The following PDE4D variants were observed in gnomAD, a reference collection of about 807,000 sequenced individuals.
PDE4D encodes phosphodiesterase 4D.
In PDE4D, 24 loss-of-function variants were observed where a neutral mutation model predicts 87.4. That is an observed-to-expected ratio of 0.27 (90% CI 0.20 to 0.39). The LOEUF (loss-of-function observed/expected upper bound fraction) is 0.39. Ranked by LOEUF, PDE4D falls within the 10% of genes least tolerant of loss-of-function variation. The pLI, the probability that PDE4D is intolerant of heterozygous loss-of-function variation, is 1.00. For synonymous variants in PDE4D, 384 were observed against 383.2 expected (o/e 1.00, Z -0.02); for missense variants, 714 against 1,041.0 (o/e 0.69, Z 4.32).
chr5:59,212,151 T>G (rs113342567), intron 2 of PDE4D, among the ~76,000 whole-genome samples: 2,555 of 152,258 alleles, frequency 0.017, 78 homozygotes, highest in African/African-American at 0.056. Context: ...ACAGTCTTCA[T>G]AGCATTATTG....
intron 1 of PDE4D, among the ~76,000 whole-genome samples, chr5:60,274,313 TTTG>T (rs575077031): frequency 3.7e-4 from 54 of 147,480 alleles, no homozygotes; most frequent in Admixed American, 2.6e-3. Flanking sequence ...TAGGTTTTAT[TTTG>T]TTGTTATTTG....
At chr5:59,209,451 G>T (rs941648858) in intron 2 of PDE4D, among the ~76,000 whole-genome samples, 5 of 152,100 alleles carry the variant, frequency 3.3e-5, no homozygotes, top group African/African-American at 1.2e-4. Flanking sequence ...CTCCCAAATT[G>T]CCAGGATTAC....
intron 1 of PDE4D, among the ~76,000 whole-genome samples, chr5:59,421,800 T>A (rs1794520128): frequency 6.6e-6 from 1 of 152,146 alleles, no homozygotes; most frequent in Non-Finnish European, 1.5e-5. Flanking sequence ...GGAATGAATT[T>A]AATGTTTCTC....
chr5:60,272,480 C>T (rs1158631055), intron 1 of PDE4D, among the ~76,000 whole-genome samples: 1 of 152,200 alleles, frequency 6.6e-6, no homozygotes, highest in Admixed American at 6.5e-5. Flanking sequence ...AAGAAGAGAT[C>T]ACACAGGTCT....
intron 1 of PDE4D, among the ~76,000 whole-genome samples, chr5:59,731,714 A>G (rs1757382788): frequency 6.6e-6 from 1 of 152,164 alleles, no homozygotes; most frequent in Admixed American, 6.6e-5. Context: ...ACATTGACAC[A>G]CATTAATTTA....
At chr5:60,202,237 G>A (rs35415111) in intron 1 of PDE4D, among the ~76,000 whole-genome samples, 14,425 of 152,198 alleles carry the variant, frequency 0.095, 727 homozygotes, top group Non-Finnish European at 0.11. Flanking sequence ...GTGCAGTGGT[G>A]CAATCAAACC....
intron 1 of PDE4D, among the ~76,000 whole-genome samples, chr5:60,277,030 T>C (rs1751441576): frequency 6.6e-6 from 1 of 152,030 alleles, no homozygotes; most frequent in African/African-American, 2.4e-5. Flanking sequence ...TGCTTTAAGT[T>C]TCTTCTGTTT....
chr5:60,135,959 A>T (rs981127220), intron 2 of PDE4D, among the ~76,000 whole-genome samples: 1 of 152,188 alleles, frequency 6.6e-6, no homozygotes, highest in Non-Finnish European at 1.5e-5. Context: ...TAATGTTCTA[A>T]GAGCTACTGC....
At chr5:59,102,717 T>C (rs1770969198) in intron 5 of PDE4D, among the ~76,000 whole-genome samples, 1 of 152,104 alleles carries the variant, frequency 6.6e-6, no homozygotes, top group Non-Finnish European at 1.5e-5. Flanking sequence ...ACTTGGGAAC[T>C]TATAAGAAGG....
At chr5:59,597,550 G>GA (rs972728741) in intron 1 of PDE4D, among the ~76,000 whole-genome samples, 16 of 150,678 alleles carry the variant, frequency 1.1e-4, no homozygotes, top group South Asian at 4.2e-4. Flanking sequence ...AGAGATTTTG[G>GA]AAAAAAAAGA....
intron 3 of PDE4D, among the ~76,000 whole-genome samples, chr5:59,186,556 C>T (rs1372303273): frequency 3.3e-5 from 5 of 152,186 alleles, no homozygotes; most frequent in Non-Finnish European, 7.3e-5. Flanking sequence ...TCATCTGGCA[C>T]AGACCTAGAC....
intron 1 of PDE4D, among the ~76,000 whole-genome samples, chr5:59,655,717 A>G (rs867574385): frequency 3.3e-5 from 5 of 152,182 alleles, no homozygotes; most frequent in Non-Finnish European, 1.5e-5. Flanking sequence ...TTCTGGCCCA[A>G]CCAGAAACAG....
intron 2 of PDE4D, among the ~76,000 whole-genome samples, chr5:60,005,763 A>G (rs2152841468): frequency 6.6e-6 from 1 of 152,172 alleles, no homozygotes; most frequent in South Asian, 2.1e-4. Context: ...CAGGTTGAAC[A>G]ACACAATAGA....
intron 1 of PDE4D, among the ~76,000 whole-genome samples, chr5:60,437,134 G>A (rs760265279): frequency 2.0e-5 from 3 of 151,914 alleles, no homozygotes; most frequent in Non-Finnish European, 4.4e-5. Flanking sequence ...TACTCTATCT[G>A]GTTGTTGTGA....
chr5:60,156,251 T>C (rs1781968738), intron 2 of PDE4D, among the ~76,000 whole-genome samples: 1 of 152,200 alleles, frequency 6.6e-6, no homozygotes, highest in African/African-American at 2.4e-5. Flanking sequence ...TTGAATATCC[T>C]TTATTAGTCT....
At chr5:59,860,121 A>C (rs188066819) in intron 1 of PDE4D, among the ~76,000 whole-genome samples, 1 of 152,330 alleles carries the variant, frequency 6.6e-6, no homozygotes, top group Non-Finnish European at 1.5e-5. Flanking sequence ...TGATTTTCCC[A>C]GTGATTTGGG....
intron 1 of PDE4D, among the ~76,000 whole-genome samples, chr5:59,699,937 G>T (rs1455992210): frequency 6.6e-6 from 1 of 152,102 alleles, no homozygotes; most frequent in Admixed American, 6.6e-5. Context: ...AGCTTCATTT[G>T]CACAGGAATG....
At chr5:59,504,648 G>A (rs1808904248) in intron 1 of PDE4D, among the ~76,000 whole-genome samples, 1 of 151,902 alleles carries the variant, frequency 6.6e-6, no homozygotes, top group African/African-American at 2.4e-5. Flanking sequence ...CCTACATTTG[G>A]GAAAACTGTT....
intron 1 of PDE4D, among the ~76,000 whole-genome samples, chr5:60,388,965 C>A (rs982034707): frequency 2.0e-5 from 3 of 152,020 alleles, no homozygotes; most frequent in Non-Finnish European, 4.4e-5. Context: ...ATATTCACTT[C>A]TTTTTTCTTT....
Sources: gnomAD v4.1 joint callset for allele counts (sites outside exome capture counted in the v4.1 genomes callset) on GRCh38, gnomAD v4.1.1 for gene constraint, MANE v1.5 for transcripts, NCBI Gene and HGNC (gene_info 2026-07-23, HGNC 2026-07-21) for gene names.